Variants in TNR observed in about 807,000 individuals in gnomAD.
TNR encodes the protein tenascin R.
TNR carries 45 observed loss-of-function variants against 150.4 expected under a neutral mutation model. That is an observed-to-expected ratio of 0.30 (90% CI 0.24 to 0.38). The LOEUF is 0.38. TNR is among the 10% of genes least tolerant of loss of function. The probability of loss-of-function intolerance (pLI) is 1.00; values close to 1 mark genes in which losing one functional copy is unlikely to be tolerated. For missense variants in TNR, 1,544 were observed against 1,759.1 expected, an observed-to-expected ratio of 0.88 and a Z score of 2.19; for synonymous variants, 687 against 678.4, an observed-to-expected ratio of 1.01 and a Z score of -0.20.
chr1:175,324,271 C>A, intron 22 of TNR, 85 bp downstream of exon 22: 1 of 1,398,904 alleles, frequency 7.1e-7, no homozygotes. Flanking sequence ...ATGAAGGACT[C>A]ACATGTGCTT....
intron 9 of TNR, among the ~76,000 whole-genome samples, chr1:175,377,616 G>A (rs1652469337): frequency 6.6e-6 from 1 of 151,964 alleles, no homozygotes. Flanking sequence ...TGTGCCTTTA[G>A]GAGTGCGTCT....
At chr1:175,391,820 C>T (rs1004475517) in intron 6 of TNR, among the ~76,000 whole-genome samples, 23 of 152,230 alleles carry the variant, frequency 1.5e-4, no homozygotes, top group African/African-American at 5.3e-4. Flanking sequence ...TCGTAATGAA[C>T]ATGCCCCCGG....
intron 20 of TNR, 84 bp from the exon 21 acceptor site, chr1:175,330,319 A>G: frequency 1.4e-6 from 2 of 1,409,750 alleles, no homozygotes; most frequent in Non-Finnish European, 1.9e-6. Context: ...TGGCTTCAAA[A>G]CATGTTACAG....
intron 1 of TNR, among the ~76,000 whole-genome samples, chr1:175,735,058 A>T (rs1667736324): frequency 6.6e-6 from 1 of 152,152 alleles, no homozygotes; most frequent in Non-Finnish European, 1.5e-5. Context: ...TATAAGTTCC[A>T]TCTCTCTGTG....
intron 2 of TNR, among the ~76,000 whole-genome samples, chr1:175,483,168 C>T (rs1042213601): frequency 1.3e-5 from 2 of 152,082 alleles, no homozygotes; most frequent in Non-Finnish European, 2.9e-5. Flanking sequence ...CTTCAAAGGC[C>T]CTGTAGCCTA....
At chr1:175,579,461 G>A (rs147892322) in intron 1 of TNR, among the ~76,000 whole-genome samples, 318 of 152,050 alleles carry the variant, frequency 2.1e-3, no homozygotes, top group Non-Finnish European at 4.0e-3. Context: ...CAGGCAGAAG[G>A]GAGGGTCTGA....
intron 2 of TNR, among the ~76,000 whole-genome samples, chr1:175,419,727 C>T (rs1015289159): frequency 1.4e-4 from 21 of 152,102 alleles, no homozygotes; most frequent in Admixed American, 9.8e-4. Context: ...GGTGATCCAC[C>T]GACCTCAGCC....
chr1:175,418,827 G>A (rs1191101017), intron 2 of TNR, among the ~76,000 whole-genome samples: 1 of 152,138 alleles, frequency 6.6e-6, no homozygotes, highest in Non-Finnish European at 1.5e-5. Context: ...ATTGTATTCA[G>A]GGATGAAGTG....
At chr1:175,503,083 G>T (rs956871417) in intron 2 of TNR, among the ~76,000 whole-genome samples, 2 of 151,560 alleles carry the variant, frequency 1.3e-5, no homozygotes, top group Admixed American at 6.6e-5. Flanking sequence ...ATGCCCCGCC[G>T]CAGTGGCGCA....
intron 2 of TNR, among the ~76,000 whole-genome samples, chr1:175,436,077 C>G (rs1655495860): frequency 6.6e-6 from 1 of 152,122 alleles, no homozygotes; most frequent in South Asian, 2.1e-4. Context: ...AACATTTTTT[C>G]CTTCATTTCA....
At chr1:175,579,161 C>CTTCT (rs575179820) in intron 1 of TNR, among the ~76,000 whole-genome samples, 5 of 136,276 alleles carry the variant, frequency 3.7e-5, no homozygotes, top group Admixed American at 2.3e-4. Flanking sequence ...CCCTTCGTTC[C>CTTCT]TTCTTTCCTT....
intron 9 of TNR, among the ~76,000 whole-genome samples, chr1:175,376,860 T>TATATATATATATATATA (rs1553211469): frequency 1.3e-3 from 150 of 113,668 alleles, no homozygotes; most frequent in Non-Finnish European, 1.6e-3. Flanking sequence ...AAATGTAATA[T>TATATATATATATATATA]TATATATATA....
At chr1:175,325,033 T>C (rs1226659347) in intron 21 of TNR, among the ~76,000 whole-genome samples, 2 of 152,038 alleles carry the variant, frequency 1.3e-5, no homozygotes, top group Non-Finnish European at 2.9e-5. Context: ...AGAATTCCCA[T>C]CCGTAAGAAA....
chr1:175,405,618 A>T (rs936534125), intron 3 of TNR, among the ~76,000 whole-genome samples: 2 of 150,090 alleles, frequency 1.3e-5, no homozygotes, highest in African/African-American at 2.5e-5. Flanking sequence ...TGTGTGTGAG[A>T]GTGTGTGTGT....
At position 175,548,717 on chromosome 1, in the gene TNR, G is replaced by A. The variant is rs115735984; in HGVS notation, c.-164-20348C>T. On this transcript the variant is annotated intron_variant, in intron 1 of 22. Transcript: ENST00000367674. Reference sequence around the variant, plus strand: ...GGAGCCTCTCTACTGGGGAGCACCCGACAGTGAAGGTTAGAAGACATGAGG... The same window carrying A: ...GGAGCCTCTCTACTGGGGAGCACCCAACAGTGAAGGTTAGAAGACATGAGG... Among the ~76,000 whole-genome samples, 1,491 of 150,918 alleles carry A rather than the reference G, an allele frequency of 9.9e-3. 21 individuals carry two copies. The highest frequency in any genetic ancestry group is 0.033 in the African/African-American group (1,365 of 41,084).
intron 4 of TNR, among the ~76,000 whole-genome samples, 199 bp from the exon 5 acceptor site, chr1:175,397,006 T>C (rs193255327): frequency 1.3e-5 from 2 of 152,310 alleles, no homozygotes; most frequent in Admixed American, 1.3e-4. Context: ...CTCTATAAGG[T>C]CATGAACATG....
intron 1 of TNR, among the ~76,000 whole-genome samples, chr1:175,551,300 T>C (rs908892631): frequency 2.6e-5 from 4 of 152,180 alleles, no homozygotes; most frequent in Non-Finnish European, 4.4e-5. Flanking sequence ...AAATTACTTA[T>C]CAAGTGTGAG....
At chr1:175,534,636 C>A (rs1192672688) in intron 1 of TNR, among the ~76,000 whole-genome samples, 3 of 152,194 alleles carry the variant, frequency 2.0e-5, no homozygotes, top group Non-Finnish European at 2.9e-5. Flanking sequence ...ACAAGACATT[C>A]ATCAGGTCTA....
At chr1:175,419,790 C>T (rs1053318485) in intron 2 of TNR, among the ~76,000 whole-genome samples, 37 of 152,254 alleles carry the variant, frequency 2.4e-4, no homozygotes, top group African/African-American at 8.7e-4. Flanking sequence ...CCCCAGTCCC[C>T]TTTTACTGGA....
Sources: gnomAD v4.1 joint callset for allele counts (sites outside exome capture counted in the v4.1 genomes callset) on GRCh38, gnomAD v4.1.1 for gene constraint, MANE v1.5 for transcripts, NCBI Gene and HGNC (gene_info 2026-07-23, HGNC 2026-07-21) for gene names.